Variants in SFMBT1 observed in about 807,000 individuals in gnomAD.
SFMBT1 encodes Scm like with four mbt domains 1.
SFMBT1 carries 32 observed loss-of-function variants against 108.7 expected under a neutral mutation model. The observed-to-expected ratio is 0.29, with a 90% confidence interval of 0.22 to 0.40. The LOEUF is 0.40. SFMBT1 is among the 10% of genes least tolerant of loss of function. SFMBT1 has a pLI of 1.00. For missense variants in SFMBT1, 816 were observed against 1,059.6 expected, an observed-to-expected ratio of 0.77 and a Z score of 3.19; for synonymous variants, 348 against 369.5, an observed-to-expected ratio of 0.94 and a Z score of 0.67.
chr3:53,033,306 A>G (rs1335624801), intron 1 of SFMBT1, among the ~76,000 whole-genome samples: 1 of 151,948 alleles, frequency 6.6e-6, no homozygotes, highest in Non-Finnish European at 1.5e-5. Context: ...GATTACAGGC[A>G]CACATCACCA....
chr3:52,923,174 T>C (rs1702566285), intron 10 of SFMBT1, among the ~76,000 whole-genome samples: 1 of 151,992 alleles, frequency 6.6e-6, no homozygotes. Context: ...GAAAAAGCAG[T>C]GATTATGCAA....
chr3:52,943,651 A>C (rs1703266456), intron 3 of SFMBT1, 58 bp from the exon 4 acceptor site: 25 of 1,608,778 alleles, frequency 1.6e-5, no homozygotes, highest in Non-Finnish European at 1.8e-5. Context: ...TATTTCTTTG[A>C]CCAATGTTCT....
At chr3:52,976,585 A>T (rs556721977) in intron 1 of SFMBT1, among the ~76,000 whole-genome samples, 2 of 152,232 alleles carry the variant, frequency 1.3e-5, no homozygotes, top group Non-Finnish European at 2.9e-5. Context: ...GATTTCCTTA[A>T]GCAAGGAAGC....
intron 11 of SFMBT1, 46 bp from the exon 12 acceptor site, chr3:52,920,696 T>A: frequency 2.5e-6 from 3 of 1,208,668 alleles, no homozygotes; most frequent in Non-Finnish European, 3.6e-6. Context: ...CAAACCTTTT[T>A]TTAGACCATT....
chr3:52,932,869 C>G (rs1450471039), intron 5 of SFMBT1, among the ~76,000 whole-genome samples: 1 of 152,108 alleles, frequency 6.6e-6, no homozygotes, highest in African/African-American at 2.4e-5. Context: ...CAAGATCATG[C>G]CACTGCACTC....
intron 1 of SFMBT1, among the ~76,000 whole-genome samples, chr3:52,986,918 C>A (rs995937472): frequency 6.6e-6 from 1 of 151,980 alleles, no homozygotes; most frequent in African/African-American, 2.4e-5. Context: ...CCAGTCTGGG[C>A]GAAAGAGTGA....
intron 10 of SFMBT1, among the ~76,000 whole-genome samples, chr3:52,923,245 A>G (rs764943177): frequency 6.6e-6 from 1 of 152,202 alleles, no homozygotes; most frequent in Non-Finnish European, 1.5e-5. Flanking sequence ...CCTCTGAGAG[A>G]TAAGAAAAAC....
At chr3:53,007,317 C>T (rs912582737) in intron 1 of SFMBT1, among the ~76,000 whole-genome samples, 5 of 152,308 alleles carry the variant, frequency 3.3e-5, no homozygotes, top group African/African-American at 1.2e-4. Context: ...AGGCTGCCTG[C>T]CACCTTCACC....
At chr3:52,920,278 C>G (rs1702480587) in intron 12 of SFMBT1, among the ~76,000 whole-genome samples, 1 of 152,212 alleles carries the variant, frequency 6.6e-6, no homozygotes, top group Non-Finnish European at 1.5e-5. Flanking sequence ...CTTGAGATGA[C>G]TGGAGCCCTG....
chr3:52,937,512 A>G, intron 4 of SFMBT1, among the ~76,000 whole-genome samples: 1 of 152,192 alleles, frequency 6.6e-6, no homozygotes, highest in Non-Finnish European at 1.5e-5. Flanking sequence ...CATTCATAAA[A>G]TTTAGCTTCT....
At chr3:53,009,977 G>T (rs1189224369) in intron 1 of SFMBT1, among the ~76,000 whole-genome samples, 1 of 152,166 alleles carries the variant, frequency 6.6e-6, no homozygotes, top group East Asian at 1.9e-4. Flanking sequence ...AGAGGCAGAA[G>T]AAAATCCACA....
At chr3:52,922,333 G>A (rs927322930) in intron 10 of SFMBT1, among the ~76,000 whole-genome samples, 11 of 151,544 alleles carry the variant, frequency 7.3e-5, no homozygotes, top group Admixed American at 6.6e-4. Flanking sequence ...TCAACAGTGG[G>A]AAAGGGTCAT....
rs971055770 is a variant in SFMBT1, at chr3:52,997,216, C to G, written c.-130-27958G>C. On this transcript the variant is annotated intron_variant, in intron 1 of 20. Coordinates refer to ENST00000394752, the MANE Select transcript of SFMBT1 (RefSeq NM_016329.4). ...GTTCACTGCCAAGAACTAGAAATAACCCAAATGTCCATCAACTAGTGAATG... is the reference window on the plus strand; with the variant it reads ...GTTCACTGCCAAGAACTAGAAATAAGCCAAATGTCCATCAACTAGTGAATG... 2.0e-5 allele frequency among the ~76,000 whole-genome samples: 3 copies of G among 150,060 alleles called. 1 individual carries two copies. The highest frequency in any genetic ancestry group is 4.5e-5 in the Non-Finnish European group (3 of 67,008).
chr3:53,017,485 G>A (rs374561703), intron 1 of SFMBT1, among the ~76,000 whole-genome samples: 22 of 152,232 alleles, frequency 1.4e-4, no homozygotes, highest in African/African-American at 5.3e-4. Flanking sequence ...TACCCTCTTG[G>A]GGGTTTATAG....
intron 13 of SFMBT1, among the ~76,000 whole-genome samples, chr3:52,916,843 C>A (rs1301751949): frequency 1.3e-5 from 2 of 152,068 alleles, no homozygotes; most frequent in Non-Finnish European, 2.9e-5. Flanking sequence ...AAAAAAATTA[C>A]AAAATTTCTT....
chr3:53,034,769 C>T (rs1699811812), intron 1 of SFMBT1, among the ~76,000 whole-genome samples: 1 of 151,508 alleles, frequency 6.6e-6, no homozygotes, highest in African/African-American at 2.4e-5. Flanking sequence ...AAACCCCCAT[C>T]GCTACTAAAA....
intron 1 of SFMBT1, among the ~76,000 whole-genome samples, chr3:52,983,620 A>G (rs940056906): frequency 6.6e-6 from 1 of 152,204 alleles, no homozygotes; most frequent in African/African-American, 2.4e-5. Context: ...GGTAACACAA[A>G]ACAACACCAG....
chr3:53,024,305 C>A (rs904540155), intron 1 of SFMBT1, among the ~76,000 whole-genome samples: 3 of 150,308 alleles, frequency 2.0e-5, no homozygotes, highest in African/African-American at 7.5e-5. Context: ...GGGGAAAAAA[C>A]CCCAAAGAGG....
intron 1 of SFMBT1, among the ~76,000 whole-genome samples, chr3:52,997,783 T>G (rs1575427706): frequency 6.6e-6 from 1 of 150,430 alleles, no homozygotes; most frequent in East Asian, 1.9e-4. Flanking sequence ...AATAAAATGT[T>G]CTAAAACTAA....
Sources: gnomAD v4.1 joint callset for allele counts (sites outside exome capture counted in the v4.1 genomes callset) on GRCh38, gnomAD v4.1.1 for gene constraint, MANE v1.5 for transcripts, NCBI Gene and HGNC (gene_info 2026-07-23, HGNC 2026-07-21) for gene names.